The following BNC2 variants were observed in gnomAD, a reference collection of about 807,000 sequenced individuals.
BNC2 encodes the protein basonuclin zinc finger protein 2.
A neutral mutation model predicts 76.3 loss-of-function variants in BNC2; 20 were observed. The ratio of observed to expected loss-of-function variants is 0.26; its 90% CI spans 0.18 to 0.38. BNC2 has a LOEUF of 0.38. Ranked by LOEUF, BNC2 falls within the 10% of genes least tolerant of loss-of-function variation. The pLI is 1.00. For missense variants in BNC2, 1,382 were observed against 1,399.8 expected, an observed-to-expected ratio of 0.99 and a Z score of 0.20; for synonymous variants, 582 against 514.8, an observed-to-expected ratio of 1.13 and a Z score of -1.77.
chr9:16,470,904 C>T (rs181486967), intron 5 of BNC2, among the ~76,000 whole-genome samples: 2 of 152,306 alleles, frequency 1.3e-5, no homozygotes, highest in Admixed American at 6.5e-5. Flanking sequence ...GGCACTGCTT[C>T]GTGGAGCTGT....
At chr9:16,860,897 T>C (rs1024182133) in intron 1 of BNC2, among the ~76,000 whole-genome samples, 2 of 151,660 alleles carry the variant, frequency 1.3e-5, no homozygotes, top group Non-Finnish European at 2.9e-5. Flanking sequence ...AATACAAAAA[T>C]TAGCCGGGCA....
chr9:16,681,820 G>C (rs1822830175), intron 3 of BNC2, among the ~76,000 whole-genome samples: 1 of 152,118 alleles, frequency 6.6e-6, no homozygotes, highest in Non-Finnish European at 1.5e-5. Context: ...TGGTACTTTG[G>C]GCAGGAATCC....
intron 5 of BNC2, among the ~76,000 whole-genome samples, chr9:16,448,502 C>T (rs1412588214): frequency 6.6e-6 from 1 of 152,080 alleles, no homozygotes; most frequent in Non-Finnish European, 1.5e-5. Flanking sequence ...GGATGATTCT[C>T]CTTCACATAT....
At chr9:16,529,391 T>A (rs868592595) in intron 5 of BNC2, among the ~76,000 whole-genome samples, 1 of 152,212 alleles carries the variant, frequency 6.6e-6, no homozygotes, top group African/African-American at 2.4e-5. Context: ...ATGATAATGA[T>A]AACATATGGA....
At position 16,511,420 on chromosome 9, in the gene BNC2, CTTTTTTT is replaced by C. The variant is rs758039548; in HGVS notation, c.669+41103_669+41109del. On this transcript the variant is annotated intron_variant, in intron 5 of 6. Transcript: ENST00000380672. ...GCCACCATGCCTGGCAATAAATTTA[CTTTTTTT>C]TTTTTTTTTTTTTTTTTTGAGGCAG... Among the ~76,000 whole-genome samples the C allele has an allele frequency of 3.9e-3, 268 of 69,504 alleles. 3 individuals carry two copies. Among genetic ancestry groups the C allele is most frequent in the Admixed American group, 0.034 (189 of 5,570 alleles). The allele number at this position is 69,504 out of a possible 152,430, so 45.6% of individuals were successfully genotyped here.
At chr9:16,683,185 C>T (rs894858321) in intron 3 of BNC2, among the ~76,000 whole-genome samples, 10 of 152,232 alleles carry the variant, frequency 6.6e-5, no homozygotes, top group African/African-American at 2.4e-4. Context: ...TCATTGACCA[C>T]AGTAGGGGAT....
chr9:16,587,047 CAGA>C (rs1376988457), intron 3 of BNC2, among the ~76,000 whole-genome samples: 1 of 152,144 alleles, frequency 6.6e-6, no homozygotes, highest in Non-Finnish European at 1.5e-5. Flanking sequence ...TCTTAGTTCT[CAGA>C]AAATAGCATA....
intron 3 of BNC2, among the ~76,000 whole-genome samples, chr9:16,704,087 A>G (rs551539927): frequency 2.0e-5 from 3 of 152,338 alleles, no homozygotes; most frequent in South Asian, 4.1e-4. Context: ...TATTTCTCCT[A>G]TACATTGGGG....
chr9:16,747,717 C>A (rs568093743), intron 1 of BNC2, among the ~76,000 whole-genome samples: 1 of 152,142 alleles, frequency 6.6e-6, no homozygotes, highest in African/African-American at 2.4e-5. Context: ...AAAGGTGCTG[C>A]CTATTACCCT....
intron 1 of BNC2, among the ~76,000 whole-genome samples, chr9:16,769,400 C>G (rs1269690454): frequency 6.6e-6 from 1 of 152,184 alleles, no homozygotes; most frequent in Non-Finnish European, 1.5e-5. Context: ...ATCATTCTCT[C>G]CCATTTTACT....
rs1477741392 is a variant in BNC2 at position 16,410,898 on chromosome 9, T to G, written c.*8091A>C. The G allele has an allele frequency of 1.3e-5, 2 of 152,216 alleles. No homozygotes were observed. Among genetic ancestry groups the G allele is most frequent in the Non-Finnish European group, 2.9e-5 (2 of 68,054 alleles). The allele number at this position is 152,216 out of a possible 1,614,324, so 9.4% of individuals were successfully genotyped here. A position where few individuals can be genotyped will look rare whatever the true frequency, so the allele number is the denominator to read the frequency against. ...ACAGCCTTGGTGTATACATCTCAAG[T>G]GAACCTATTAACTCAGCACATTGTC... On this transcript the variant is annotated 3_prime_UTR_variant, in exon 7 of 7. Coordinates refer to ENST00000380672, the MANE Select transcript of BNC2 (RefSeq NM_017637.6).
intron 1 of BNC2, among the ~76,000 whole-genome samples, chr9:16,786,842 A>C (rs1282796247): frequency 6.6e-6 from 1 of 152,128 alleles, no homozygotes. Context: ...CCACCCTGCA[A>C]CAGTCTAATT....
At chr9:16,498,288 T>C (rs1171678400) in intron 5 of BNC2, among the ~76,000 whole-genome samples, 2 of 106,406 alleles carry the variant, frequency 1.9e-5, no homozygotes, top group East Asian at 5.9e-4. Context: ...TATATATATA[T>C]ATTCCATCAT....
chr9:16,666,835 T>C (rs1314245101), intron 3 of BNC2, among the ~76,000 whole-genome samples: 1 of 152,246 alleles, frequency 6.6e-6, no homozygotes, highest in Non-Finnish European at 1.5e-5. Flanking sequence ...GAAGTGCTAA[T>C]TCACTTAAAT....
chr9:16,432,428 G>A (rs7867445), intron 6 of BNC2, among the ~76,000 whole-genome samples: 12,906 of 152,196 alleles, frequency 0.085, 572 homozygotes, highest in Middle Eastern at 0.15. Context: ...ACATCTTTCT[G>A]CTTTCCATCT....
At chr9:16,511,885 T>C (rs1472498477) in intron 5 of BNC2, among the ~76,000 whole-genome samples, 1 of 152,224 alleles carries the variant, frequency 6.6e-6, no homozygotes, top group East Asian at 1.9e-4. Flanking sequence ...TGTACTTGTG[T>C]GTCTGTGCCA....
intron 3 of BNC2, among the ~76,000 whole-genome samples, chr9:16,722,269 A>G (rs529619296): frequency 2.0e-5 from 3 of 152,134 alleles, no homozygotes; most frequent in Admixed American, 6.5e-5. Flanking sequence ...CTTCTGCCCC[A>G]ACTTCTCAGA....
At chr9:16,691,283 G>A (rs1823152822) in intron 3 of BNC2, among the ~76,000 whole-genome samples, 1 of 152,134 alleles carries the variant, frequency 6.6e-6, no homozygotes, top group Non-Finnish European at 1.5e-5. Flanking sequence ...TGAGAAAACT[G>A]AGACCTATCA....
chr9:16,809,979 A>G (rs1485194196), intron 1 of BNC2, among the ~76,000 whole-genome samples: 1 of 152,170 alleles, frequency 6.6e-6, no homozygotes, highest in African/African-American at 2.4e-5. Context: ...CTGATGAGTA[A>G]GAGGCTTCTC....
Sources: gnomAD v4.1 joint callset for allele counts (sites outside exome capture counted in the v4.1 genomes callset) on GRCh38, gnomAD v4.1.1 for gene constraint, MANE v1.5 for transcripts, NCBI Gene and HGNC (gene_info 2026-07-23, HGNC 2026-07-21) for gene names.